The following RAC1 variants were observed in gnomAD, a reference collection of about 807,000 sequenced individuals.
RAC1 encodes the protein Rac family small GTPase 1, also known as ras-related C3 botulinum toxin substrate 1.
In RAC1, 2 loss-of-function variants were observed where a neutral mutation model predicts 25.2. The observed-to-expected ratio is 0.08, with a 90% CI of 0.03 to 0.25. RAC1 has a LOEUF of 0.25. RAC1 is among the 10% of genes least tolerant of loss of function. The probability of loss-of-function intolerance (pLI) is 1.00; values close to 1 mark genes in which losing one functional copy is unlikely to be tolerated. For missense variants in RAC1, 50 were observed against 235.7 expected (o/e 0.21, Z 5.16); for synonymous variants, 88 against 94.0 (o/e 0.94, Z 0.37).
At chr7:6,391,836 C>CT in intron 2 of RAC1, 88 bp from the exon 3 acceptor site, 1 of 1,596,408 alleles carries the variant, frequency 6.3e-7, no homozygotes, top group East Asian at 2.2e-5. Context: ...CGTCCCCAGC[C>CT]TTTTTCTTGG....
chr7:6,400,128 T>C lies in RAC1; in HGVS notation c.228T>C (p.Asp76=). ...TTCCCTGTGTTTCCTTTTTGTAGGATGTGTTCTTAATTTGCTTTTCCCTTG... is the reference window on the plus strand; with the variant it reads ...TTCCCTGTGTTTCCTTTTTGTAGGACGTGTTCTTAATTTGCTTTTCCCTTG... ...RLRPLSYPQT[D]VFLICFSLVS... The change falls in exon 4 of 6, where the codon GAT becomes GAC. Residue 76 remains aspartate (D), a splice_region_variant and synonymous_variant. Coordinates refer to ENST00000348035, the MANE Select transcript of RAC1 (RefSeq NM_006908.5). 1.9e-6 allele frequency: 3 copies of C among 1,610,220 alleles called. No homozygotes were observed. Among genetic ancestry groups the C allele is most frequent in the African/African-American group, 2.7e-5 (2 of 74,978 alleles).
intron 4 of RAC1, chr7:6,401,519 C>T (rs1783400040): frequency 6.1e-6 from 1 of 164,674 alleles, no homozygotes; most frequent in Non-Finnish European, 1.3e-5. Context: ...TCTCAGATGA[C>T]CCTAAGAAAT....
At chr7:6,382,282 G>A (rs912632871) in intron 1 of RAC1, among the ~76,000 whole-genome samples, 1 of 151,940 alleles carries the variant, frequency 6.6e-6, no homozygotes, top group Admixed American at 6.6e-5. Context: ...GAGCCACTGC[G>A]CCTGGCCAAG....
In RAC1 at chr7:6,402,995, A is replaced by C. The variant is rs1783462805; in HGVS notation, c.*549A>C. ...CCGACATAACATTGTACTGTAATGG[A>C]GTGAGCGTAGCAGCTCAGCTCTTTG... is the stretch of plus-strand genomic sequence containing the variant. On this transcript the variant is annotated 3_prime_UTR_variant, in exon 6 of 6. Transcript: ENST00000348035. 1 of 192,240 alleles carries C rather than the reference A, an allele frequency of 5.2e-6. No individual in the cohort carries two copies. The highest frequency in any genetic ancestry group is 1.1e-5 in the Non-Finnish European group (1 of 91,704). The allele number at this position is 192,240 out of a possible 1,614,324, so 11.9% of individuals were successfully genotyped here.
chr7:6,397,529 G>A (rs1043789993), intron 3 of RAC1, among the ~76,000 whole-genome samples: 4 of 152,014 alleles, frequency 2.6e-5, no homozygotes, highest in African/African-American at 4.8e-5. Context: ...TCCTGACCTC[G>A]TGATCCACCT....
At chr7:6,386,848 G>C (rs17776100) in intron 1 of RAC1, among the ~76,000 whole-genome samples, 1 of 151,328 alleles carries the variant, frequency 6.6e-6, no homozygotes, top group Non-Finnish European at 1.5e-5. Context: ...TCAAACTTAA[G>C]ATTCTTGATG....
chr7:6,402,824 C>T lies in RAC1; in HGVS notation c.*378C>T, dbSNP rs988881290. 1.2e-4 allele frequency: 24 copies of T among 206,224 alleles called. No individual in the cohort carries two copies. Among genetic ancestry groups the T allele is most frequent in the African/African-American group, 5.3e-4 (23 of 43,694 alleles). The allele number at this position is 206,224 out of a possible 1,614,324, so 12.8% of individuals were successfully genotyped here. A position where few individuals can be genotyped will look rare whatever the true frequency, so the allele number is the denominator to read the frequency against. ...CACCGAGCACTGAACTTTGCAAAGA[C>T]CTTCGTCTTTGAGAAGACGGTAGCT... On this transcript the variant is annotated 3_prime_UTR_variant, in exon 6 of 6. Coordinates refer to ENST00000348035, the MANE Select transcript of RAC1 (RefSeq NM_006908.5).
intron 5 of RAC1, 99 bp from the exon 6 acceptor site, chr7:6,402,217 C>G: frequency 6.6e-7 from 1 of 1,504,838 alleles, no homozygotes; most frequent in Non-Finnish European, 8.9e-7. Context: ...TGGGAGCCGG[C>G]AGAAGGCGCC....
intron 3 of RAC1, among the ~76,000 whole-genome samples, chr7:6,397,074 A>C (rs1783259937): frequency 6.9e-6 from 1 of 144,350 alleles, no homozygotes; most frequent in South Asian, 2.2e-4. Context: ...CCCCGTCTCT[A>C]CTAAAAATAC....
intron 3 of RAC1, among the ~76,000 whole-genome samples, chr7:6,396,066 G>A (rs111464473): frequency 1.3e-5 from 2 of 152,178 alleles, no homozygotes; most frequent in African/African-American, 2.4e-5. Flanking sequence ...TAACAAAGGC[G>A]TTGAAGGCAC....
At chr7:6,382,075 C>T (rs1490378185) in intron 1 of RAC1, among the ~76,000 whole-genome samples, 3 of 152,106 alleles carry the variant, frequency 2.0e-5, no homozygotes, top group African/African-American at 7.2e-5. Context: ...CTCACTGCAA[C>T]CTCTACCCCG....
chr7:6,384,903 T>C (rs1782879667), intron 1 of RAC1, among the ~76,000 whole-genome samples: 1 of 152,144 alleles, frequency 6.6e-6, no homozygotes, highest in African/African-American at 2.4e-5. Flanking sequence ...CCTCCTGGGT[T>C]CAAGTGATCC....
chr7:6,397,123 C>A (rs1783262060), intron 3 of RAC1, among the ~76,000 whole-genome samples: 1 of 147,584 alleles, frequency 6.8e-6, no homozygotes, highest in African/African-American at 2.5e-5. Flanking sequence ...TACCTGTAGT[C>A]CCAGCTACTG....
chr7:6,398,766 C>G, intron 3 of RAC1: 2 of 1,551,812 alleles, frequency 1.3e-6, no homozygotes, highest in Non-Finnish European at 1.8e-6. Flanking sequence ...TCTCTGTTCT[C>G]TCATTTCACT....
intron 1 of RAC1, among the ~76,000 whole-genome samples, chr7:6,376,231 G>A (rs1782588930): frequency 7.6e-6 from 1 of 131,292 alleles, no homozygotes; most frequent in South Asian, 2.4e-4. Context: ...TGCCCAGGCT[G>A]GAGTGCAGTG....
At chr7:6,393,195 G>A (rs1783136040) in intron 3 of RAC1, among the ~76,000 whole-genome samples, 1 of 152,164 alleles carries the variant, frequency 6.6e-6, no homozygotes, top group Non-Finnish European at 1.5e-5. Context: ...CTTCGTTGTA[G>A]GGGGTAATAT....
chr7:6,399,171 C>T (rs952395839), intron 3 of RAC1, among the ~76,000 whole-genome samples: 16 of 152,188 alleles, frequency 1.1e-4, no homozygotes, highest in African/African-American at 3.9e-4. Context: ...GTGCTGGGTG[C>T]CGCGGTGATT....
chr7:6,378,249 G>A (rs1015751181), intron 1 of RAC1, among the ~76,000 whole-genome samples: 7 of 151,532 alleles, frequency 4.6e-5, no homozygotes, highest in Admixed American at 1.3e-4. Context: ...TAATACACCC[G>A]TATGAAAATA....
At chr7:6,379,463 A>C (rs1188113117) in intron 1 of RAC1, among the ~76,000 whole-genome samples, 3 of 151,862 alleles carry the variant, frequency 2.0e-5, no homozygotes, top group Non-Finnish European at 4.4e-5. Flanking sequence ...AATAGAGACG[A>C]GGTTTCTCCT....
Sources: gnomAD v4.1 joint callset for allele counts (sites outside exome capture counted in the v4.1 genomes callset) on GRCh38, gnomAD v4.1.1 for gene constraint, MANE v1.5 for transcripts, NCBI Gene and HGNC (gene_info 2026-07-23, HGNC 2026-07-21) for gene names.